The following HYLS1 variants were observed in gnomAD, a reference collection of about 807,000 sequenced individuals.
The protein encoded by HYLS1 is centriolar and ciliogenesis-associated protein HYLS1.
A neutral mutation model predicts 29.4 loss-of-function variants in HYLS1; 25 were observed. The observed-to-expected ratio is 0.85, with a 90% CI of 0.62 to 1.19. The LOEUF is 1.19. HYLS1 is among the 50% of genes most tolerant of loss of function. The pLI is 0.00. For synonymous variants in HYLS1, 128 were observed against 126.7 expected (o/e 1.01, Z -0.07); for missense variants, 352 against 365.1 (o/e 0.96, Z 0.29).
chr11:125,895,370 C>G lies in HYLS1; in HGVS notation c.-26+3898C>G, dbSNP rs199865528. 8.2e-5 allele frequency: 132 copies of G among 1,614,096 alleles called. No individual in the cohort carries two copies. Among genetic ancestry groups the G allele is most frequent in the Non-Finnish European group, 1.0e-4 (122 of 1,180,040 alleles). On this transcript the variant is annotated intron_variant, in intron 2 of 2. Transcript: ENST00000425380. ...GGAATGCCTGGCCAGTCACTTCAAA[C>G]TGACATAACTGGAAAGGTTCTTGCC...
intron 2 of HYLS1, chr11:125,893,696 T>C: frequency 9.8e-7 from 1 of 1,023,728 alleles, no homozygotes; most frequent in South Asian, 2.2e-5. Context: ...TCATCTGAAT[T>C]CCTAGTACTT....
At chr11:125,899,167 T>C in intron 2 of HYLS1, 177 bp from the exon 3 acceptor site, 1 of 568,122 alleles carries the variant, frequency 1.8e-6, no homozygotes, top group Admixed American at 3.1e-5. Context: ...AGGTAATAGA[T>C]TCCCTAGAAC....
chr11:125,899,294 A>G, intron 2 of HYLS1, 50 bp from the exon 3 acceptor site: 1 of 1,366,260 alleles, frequency 7.3e-7, no homozygotes, highest in Non-Finnish European at 1.0e-6. Context: ...TGAGCAATTT[A>G]TGAGCTGGGA....
At chr11:125,888,417 C>T (rs1263436616) in intron 1 of HYLS1, among the ~76,000 whole-genome samples, 1 of 152,136 alleles carries the variant, frequency 6.6e-6, no homozygotes, top group African/African-American at 2.4e-5. Flanking sequence ...AAGCAAGCAC[C>T]TTTATGGCCT....
rs768612319 is a variant in HYLS1 at position 125,899,354 on chromosome 11, A to C, written c.-15A>C. The C allele has an allele frequency of 2.5e-6, 4 of 1,612,990 alleles. No individual in the cohort carries two copies. In the Admixed American group the frequency reaches 6.7e-5, roughly 27 times the overall value. On this transcript the variant is annotated 5_prime_UTR_variant, in exon 3 of 3. Coordinates refer to ENST00000425380, the MANE Select transcript of HYLS1 (RefSeq NM_001134793.2). ...TGTTATCTCTTGCAGAAGGTCCTAC[A>C]GTGTAGGGGAAGCAATGGAAGAACT...
chr11:125,888,848 A>G (rs949574872), intron 1 of HYLS1, among the ~76,000 whole-genome samples: 2 of 152,062 alleles, frequency 1.3e-5, no homozygotes, highest in African/African-American at 4.8e-5. Flanking sequence ...TCATAATCCA[A>G]TTCCAGGAGT....
chr11:125,899,887 A>G lies in HYLS1; in HGVS notation c.519A>G (p.Gln173=). The change falls in exon 3 of 3, where the codon CAA becomes CAG. Residue 173 remains glutamine (Q), a synonymous_variant. Coordinates refer to ENST00000425380, the MANE Select transcript of HYLS1 (RefSeq NM_001134793.2). The stretch of plus-strand genomic sequence containing the variant: ...AAGATCAGCTCATTTGCTCTCTACA[A>G]AGAGAAGGAATGGGCTCTCCAGCTT... The part of the protein sequence containing the change: ...ISQDQLICSL[Q]REGMGSPAYE... 1 of 1,614,234 alleles carries G rather than the reference A, an allele frequency of 6.2e-7. No homozygotes were observed. The highest frequency in any genetic ancestry group is 8.5e-7 in the Non-Finnish European group (1 of 1,180,046).
chr11:125,895,460 A>AT, intron 2 of HYLS1: 3 of 1,614,158 alleles, frequency 1.9e-6, no homozygotes, highest in Non-Finnish European at 2.5e-6. Flanking sequence ...TCCTCTGAAA[A>AT]TTAATCACAC....
chr11:125,887,686 A>C lies in HYLS1; in HGVS notation c.-155A>C, dbSNP rs1354707544. On this transcript the variant is annotated 5_prime_UTR_variant, in exon 1 of 3. Transcript: ENST00000425380. ...GGCCGGCAGTGCGCCTGCGCAAGTT[A>C]CGCGAAAGCTAACAGAATCTGCGGT... is the stretch of plus-strand genomic sequence containing the variant. 1.3e-5 allele frequency: 2 copies of C among 152,340 alleles called. No individual in the cohort carries two copies. Among genetic ancestry groups the C allele is most frequent in the African/African-American group, 4.8e-5 (2 of 41,482 alleles). The allele number at this position is 152,340 out of a possible 1,614,324, so 9.4% of individuals were successfully genotyped here.
chr11:125,899,733 C>T lies in HYLS1; in HGVS notation c.365C>T (p.Thr122Ile). The change falls in exon 3 of 3, where the codon ACA becomes ATA. Residue 122 changes from threonine (T) to isoleucine (I), a missense_variant. By Grantham distance (89) the Thr-to-Ile change is moderately conservative. Transcript: ENST00000425380. ...ESIISESESG[T>I]ENDQDLWDLR... ...ATTATCAGTGAATCAGAATCTGGTA[C>T]AGAAAATGATCAGGATCTCTGGGAC... 6 of 1,614,176 alleles carry T rather than the reference C, an allele frequency of 3.7e-6. No individual in the cohort carries two copies. The highest frequency in any genetic ancestry group is 5.1e-6 in the Non-Finnish European group (6 of 1,180,002).
intron 2 of HYLS1, chr11:125,895,623 G>A: frequency 6.2e-7 from 1 of 1,614,262 alleles, no homozygotes; most frequent in South Asian, 1.1e-5. Context: ...ACTGAAGCTT[G>A]GTTCTACAGG....
In HYLS1 at chr11:125,899,999, G is replaced by A; in HGVS notation, c.631G>A (p.Asp211Asn). The change falls in exon 3 of 3, where the codon GAC (aspartate) becomes AAC (asparagine). Residue 211 changes from aspartate (D) to asparagine (N), a missense_variant. Physicochemically the swap from Asp to Asn is conservative, Grantham distance 23 (BLOSUM62 1). Transcript: ENST00000425380. ...DQLSRNRGKT[D>N]RVARYFEYKR... is the part of the protein sequence containing the mutation. ...GTTAAGCCGAAACCGGGGCAAGACA[G>A]ACCGGGTAGCCCGGTATTTTGAGTA... 1 of 1,614,218 alleles carries A rather than the reference G, an allele frequency of 6.2e-7. No homozygotes were observed.
At chr11:125,885,322 A>G (rs1318854576), upstream of HYLS1, among the ~76,000 whole-genome samples, 5 of 152,148 alleles carry the variant, frequency 3.3e-5, no homozygotes. Context: ...GTGGTGGCAC[A>G]CGCCTGTAGT....
At chr11:125,890,415 T>C (rs1428696948) in intron 1 of HYLS1, among the ~76,000 whole-genome samples, 1 of 152,234 alleles carries the variant, frequency 6.6e-6, no homozygotes, top group African/African-American at 2.4e-5. Flanking sequence ...ATGGTATTGT[T>C]TGCCTTTGTG....
intron 2 of HYLS1, chr11:125,899,051 T>C (rs1321116284): frequency 3.2e-6 from 1 of 314,006 alleles, no homozygotes. Flanking sequence ...GTATGCCCCA[T>C]ATCATGTAGT....
At position 125,895,250 on chromosome 11, in the gene HYLS1, C is replaced by T; in HGVS notation, c.-26+3778C>T. 2.5e-6 allele frequency: 4 copies of T among 1,590,482 alleles called. No homozygotes were observed. The South Asian group carries it at 4.6e-5, about 18-fold the overall frequency. ...TATATTGAGGCTTTTGGGGATTTTT[C>T]TCTATATTCAGCAGCTCATCAATAA... is the stretch of plus-strand genomic sequence containing the variant. On this transcript the variant is annotated intron_variant, in intron 2 of 2. Transcript: ENST00000425380.
intron 1 of HYLS1, among the ~76,000 whole-genome samples, chr11:125,889,123 C>T (rs555125379): frequency 4.8e-4 from 73 of 152,126 alleles, no homozygotes; most frequent in East Asian, 1.7e-3. Context: ...TTTAAAAGAA[C>T]GTCAGTTAAG....
chr11:125,893,675 T>TAAGAGCTGACCATCTGAATTCC, intron 2 of HYLS1: 1 of 795,228 alleles, frequency 1.3e-6, no homozygotes, highest in Non-Finnish European at 1.9e-6. Context: ...TTTTTTTCTT[T>TAAGAGCTGACCATCTGAATTCC]TAAGAGCTGA....
Position 125,899,566 on chromosome 11 carries a change from G to A in HYLS1, c.198G>A (p.Val66=). Residue 66 remains valine (V), a synonymous_variant, in exon 3 of 3, where the codon GTG becomes GTA. Transcript: ENST00000425380. ...VAPGKRPALP[V]QLQYPHVESN... is the part of the protein sequence containing the mutation. ...CAGGGAAGCGACCTGCTCTTCCTGT[G>A]CAACTACAGTACCCACATGTAGAAA... 1 of 1,614,122 alleles carries A rather than the reference G, an allele frequency of 6.2e-7. No individual in the cohort carries two copies.
Sources: allele counts gnomAD v4.1 joint callset (sites outside exome capture counted in the v4.1 genomes callset), GRCh38; gene constraint gnomAD v4.1.1; transcripts MANE v1.5; gene names NCBI Gene and HGNC (gene_info 2026-07-23, HGNC 2026-07-21).